PHKA2: variants seen among roughly 807,000 people sequenced by gnomAD.
PHKA2 encodes the protein phosphorylase kinase regulatory subunit alpha 2.
A neutral mutation model predicts 102.0 loss-of-function variants in PHKA2; 31 were observed. That is an observed-to-expected ratio of 0.30 (90% CI 0.23 to 0.41). PHKA2 has a LOEUF of 0.41. PHKA2 is among the 10% of genes least tolerant of loss of function. The pLI, the probability that PHKA2 is intolerant of heterozygous loss-of-function variation, is 1.00. For missense variants in PHKA2, 858 were observed against 1,023.1 expected, an observed-to-expected ratio of 0.84 and a Z score of 2.20; for synonymous variants, 455 against 416.2, an observed-to-expected ratio of 1.09 and a Z score of -1.13.
rs764785689 is a variant in PHKA2, at chrX:18,918,501, T to C, written c.2137+180A>G. Among the ~76,000 whole-genome samples, 12 of 112,008 alleles carry C rather than the reference T, an allele frequency of 1.1e-4. No individual in the cohort carries two copies. In the Admixed American group the frequency reaches 1.1e-3, roughly 11 times the overall value. On this transcript the variant is annotated intron_variant, in intron 19 of 32. Coordinates refer to ENST00000379942, the MANE Select transcript of PHKA2 (RefSeq NM_000292.3). The stretch of plus-strand genomic sequence containing the variant: ...CAGTATGTACACATTATTTGAGAAA[T>C]ATGGAGATATGTACATACCAGAAGA...
intron 1 of PHKA2, among the ~76,000 whole-genome samples, chrX:18,974,307 C>G (rs1296769675): frequency 1.8e-5 from 2 of 111,038 alleles, no homozygotes; most frequent in Non-Finnish European, 3.8e-5. Flanking sequence ...AGTTTCTGTC[C>G]TTCCCTTCTC....
At position 18,918,864 on chromosome X, in the gene PHKA2, G is replaced by C; in HGVS notation, c.1964-10C>G. The C allele has an allele frequency of 8.3e-7, 1 of 1,206,084 alleles. No homozygotes were observed. The highest frequency in any genetic ancestry group is 1.8e-5 in the South Asian group (1 of 56,838). On this transcript the variant is annotated splice_polypyrimidine_tract_variant and intron_variant, in intron 18 of 32. Coordinates refer to ENST00000379942, the MANE Select transcript of PHKA2 (RefSeq NM_000292.3). ...AGTTCGTCTTGGCTTTCTGTAATTG[G>C]ACAAGCAAGAAAAAGAGCCAATGAA...
intron 1 of PHKA2, among the ~76,000 whole-genome samples, chrX:18,975,045 C>G (rs2049067441): frequency 9.0e-6 from 1 of 110,946 alleles, no homozygotes; most frequent in South Asian, 3.8e-4. Flanking sequence ...TCCACACATA[C>G]ACCAATGACT....
rs371619597 is a variant in PHKA2, at chrX:18,894,198, C to A, written c.3537+6G>T. The A allele has an allele frequency of 9.9e-6, 12 of 1,206,279 alleles. No individual in the cohort carries two copies. Among genetic ancestry groups the A allele is most frequent in the South Asian group, 1.8e-5 (1 of 56,758 alleles). On this transcript the variant is annotated splice_donor_region_variant and intron_variant, in intron 32 of 32. Transcript: ENST00000379942. ...GCCAGCCAACCCAGCTCCCTGGCAC[C>A]CCCACCTGGTCCTGCAAGAACAGCT... is the stretch of plus-strand genomic sequence containing the variant.
intron 26 of PHKA2, chrX:18,903,039 G>A (rs970336770): frequency 1.8e-5 from 2 of 112,427 alleles, no homozygotes; most frequent in African/African-American, 6.5e-5. Context: ...TTTTAGTCAT[G>A]ATTCTTCCAG....
intron 1 of PHKA2, among the ~76,000 whole-genome samples, chrX:18,957,297 CACTT>C (rs1201218753): frequency 5.0e-4 from 56 of 112,362 alleles, no homozygotes; most frequent in African/African-American, 1.5e-3. Flanking sequence ...TCTGTACTCT[CACTT>C]ACTGATGCTT....
rs146853190 is a variant in PHKA2, at chrX:18,924,091, A to G, written c.1758T>C (p.Ile586=). ...CAAAATATCCATCCTCTAGTTTTCT[A>G]ATTGTGGAGAGCACAGCAGAATGAA... is the stretch of plus-strand genomic sequence containing the variant. ...SDIHSAVLST[I]RKLEDGYFGG... Residue 586 remains isoleucine, a synonymous_variant, in exon 17 of 33, where the codon ATT becomes ATC. Coordinates refer to ENST00000379942, the MANE Select transcript of PHKA2 (RefSeq NM_000292.3). 3.0e-5 allele frequency: 36 copies of G among 1,204,109 alleles called. No individual in the cohort carries two copies. The Middle Eastern group carries it at 6.9e-4, about 23-fold the overall frequency.
chrX:18,895,532 A>AT (rs774181703), intron 30 of PHKA2: 75 of 271,460 alleles, frequency 2.8e-4, no homozygotes, highest in African/African-American at 1.8e-3. Flanking sequence ...ATAAAGGGGG[A>AT]TTTTCATGGC....
At chrX:18,899,345 C>T (rs969924919) in intron 28 of PHKA2, 119 bp from the exon 29 acceptor site, 58 of 622,151 alleles carry the variant, frequency 9.3e-5, no homozygotes, top group South Asian at 7.1e-4. Flanking sequence ...AGAATGCGGG[C>T]GCAGAGAAGG....
rs1478606084 is a variant in PHKA2 at position 18,893,518 on chromosome X, T to G, written c.3675A>C (p.Glu1225Asp). The G allele has an allele frequency of 8.3e-7, 1 of 1,209,988 alleles. No individual in the cohort carries two copies. Among genetic ancestry groups the G allele is most frequent in the African/African-American group, 1.7e-5 (1 of 57,190 alleles). Reference protein sequence around the residue: ...LTRAVASYLQELLPNSGCQMQ With the variant: ...LTRAVASYLQDLLPNSGCQMQ Reference sequence around the variant, plus strand: ...TCTGGCAGCCCGAATTGGGCAACAATTCCTGCAAATAAGAAGCCACTGCTC... The same window carrying G: ...TCTGGCAGCCCGAATTGGGCAACAAGTCCTGCAAATAAGAAGCCACTGCTC... The change falls in exon 33 of 33, where the codon GAA (glutamate) becomes GAC (aspartate). Residue 1225 changes from glutamate (E) to aspartate (D), a missense_variant. By Grantham distance (45) the Glu-to-Asp change is conservative. Coordinates refer to ENST00000379942, the MANE Select transcript of PHKA2 (RefSeq NM_000292.3).
chrX:18,952,236 T>G (rs913646843), intron 3 of PHKA2, among the ~76,000 whole-genome samples: 1 of 77,350 alleles, frequency 1.3e-5, no homozygotes, highest in African/African-American at 5.3e-5. Flanking sequence ...ACACCTCAGG[T>G]GGGAGAACCA....
intron 1 of PHKA2, among the ~76,000 whole-genome samples, chrX:18,955,870 C>T (rs1346619676): frequency 1.8e-5 from 2 of 112,250 alleles, no homozygotes; most frequent in Non-Finnish European, 3.8e-5. Context: ...CTGATATTAC[C>T]CACAGGGGCA....
chrX:18,971,168 A>G (rs2049013072), intron 1 of PHKA2, among the ~76,000 whole-genome samples: 1 of 112,453 alleles, frequency 8.9e-6, no homozygotes, highest in Non-Finnish European at 1.9e-5. Context: ...CAGTTAGCCT[A>G]CCTTAACTAA....
chrX:18,917,644 C>G (rs1489550372), intron 19 of PHKA2, among the ~76,000 whole-genome samples: 1 of 111,620 alleles, frequency 9.0e-6, no homozygotes, highest in Non-Finnish European at 1.9e-5. Flanking sequence ...TTTAAAATGG[C>G]AAGGTTTCAA....
At chrX:18,966,061 C>A (rs1380277917) in intron 1 of PHKA2, among the ~76,000 whole-genome samples, 4 of 105,340 alleles carry the variant, frequency 3.8e-5, no homozygotes, top group Non-Finnish European at 7.8e-5. Flanking sequence ...CCCCTCAACT[C>A]TCTTGGTGGT....
intron 1 of PHKA2, among the ~76,000 whole-genome samples, chrX:18,956,899 CT>C (rs1245442344): frequency 2.7e-5 from 3 of 112,270 alleles, no homozygotes; most frequent in Admixed American, 9.4e-5. Flanking sequence ...CTCTGCTGTC[CT>C]TTTTTTCTTT....
intron 14 of PHKA2, among the ~76,000 whole-genome samples, chrX:18,926,234 A>T (rs1250547229): frequency 8.9e-6 from 1 of 112,562 alleles, no homozygotes; most frequent in Non-Finnish European, 1.9e-5. Flanking sequence ...TTTACAACAG[A>T]TCCGGCGAAT....
rs1490152983 is a variant in PHKA2 at position 18,892,541 on chromosome X, G to C, written c.*944C>G. On this transcript the variant is annotated 3_prime_UTR_variant, in exon 33 of 33. Coordinates refer to ENST00000379942, the MANE Select transcript of PHKA2 (RefSeq NM_000292.3). ...CAAGAGGGTACAGGTTCCTAGCCTG[G>C]CTCTATTTTTCAGAGGGAAGCATTG... The C allele has an allele frequency of 8.9e-6, 1 of 111,905 alleles. No individual in the cohort carries two copies. Among genetic ancestry groups the C allele is most frequent in the East Asian group, 2.8e-4 (1 of 3,553 alleles). 9.2% of individuals were successfully genotyped at this position (111,905 alleles called of 1,213,427 possible).
chrX:18,968,244 A>T (rs752184838), intron 1 of PHKA2, among the ~76,000 whole-genome samples: 3 of 111,470 alleles, frequency 2.7e-5, no homozygotes, highest in East Asian at 2.8e-4. Flanking sequence ...AATTAAAAAA[A>T]TTTTTTTTCA....
Sources: gnomAD v4.1 joint callset for allele counts (sites outside exome capture counted in the v4.1 genomes callset) on GRCh38, gnomAD v4.1.1 for gene constraint, MANE v1.5 for transcripts, NCBI Gene and HGNC (gene_info 2026-07-23, HGNC 2026-07-21) for gene names.